Variants in MYLK observed in about 807,000 individuals in gnomAD.
The protein encoded by MYLK is myosin light chain kinase.
A neutral mutation model predicts 203.4 loss-of-function variants in MYLK; 106 were observed. That is an observed-to-expected ratio of 0.52 (90% CI 0.45 to 0.61). The LOEUF (loss-of-function observed/expected upper bound fraction) is 0.61, where lower values mean the gene tolerates loss of function less well. MYLK is among the 20% of genes least tolerant of loss of function. The pLI, the probability that MYLK is intolerant of heterozygous loss-of-function variation, is 0.00. For synonymous variants in MYLK, 867 were observed against 959.5 expected (o/e 0.90, Z 1.78); for missense variants, 2,072 against 2,442.3 (o/e 0.85, Z 3.20).
At chr3:123,660,808 C>T (rs1390122598) in intron 23 of MYLK, among the ~76,000 whole-genome samples, 1 of 152,160 alleles carries the variant, frequency 6.6e-6, no homozygotes, top group Non-Finnish European at 1.5e-5. Context: ...TGTTTTACCT[C>T]ATGTACATTT....
At chr3:123,870,445 T>C (rs574264244) in intron 2 of MYLK, among the ~76,000 whole-genome samples, 2 of 152,326 alleles carry the variant, frequency 1.3e-5, no homozygotes, top group South Asian at 4.1e-4. Context: ...ACCATATACC[T>C]GACAGGAGAT....
intron 12 of MYLK, among the ~76,000 whole-genome samples, chr3:123,725,513 C>T (rs542903122): frequency 2.0e-5 from 3 of 152,142 alleles, no homozygotes; most frequent in South Asian, 2.1e-4. Context: ...ATCCCTCATG[C>T]GACTTTGAGA....
chr3:123,826,701 A>G (rs2066133696), intron 3 of MYLK, among the ~76,000 whole-genome samples: 1 of 152,162 alleles, frequency 6.6e-6, no homozygotes, highest in Non-Finnish European at 1.5e-5. Context: ...ATTTACATTT[A>G]TATCCTCCAA....
At position 123,700,446 on chromosome 3, in the gene MYLK, C is replaced by T. The variant is rs747305438; in HGVS notation, c.3022G>A (p.Val1008Met). The change falls in exon 18 of 34, where the codon GTG becomes ATG. Residue 1008 changes from valine to methionine, a missense_variant. Val to Met is a conservative substitution (Grantham distance 21). Around this residue, in one of 3 missense-constraint regions of MYLK, gnomAD observed 865 missense variants for 1,016.0 expected, o/e 0.85. Transcript: ENST00000360304. The stretch of plus-strand genomic sequence containing the variant: ...TTGCTCAGGGGCTTGGAACTCTCCA[C>T]TGCCTTGGCATTCAGGGTCTCGGCA... ...SSAETLNAKA[V>M]ESSKPLSNAQ... 5.6e-6 allele frequency: 9 copies of T among 1,609,598 alleles called. No individual in the cohort carries two copies. Among genetic ancestry groups the T allele is most frequent in the Non-Finnish European group, 6.8e-6 (8 of 1,177,326 alleles).
intron 3 of MYLK, among the ~76,000 whole-genome samples, chr3:123,830,178 C>T (rs1266956752): frequency 5.3e-5 from 8 of 152,174 alleles, no homozygotes; most frequent in African/African-American, 1.9e-4. Flanking sequence ...TGATCTTCTA[C>T]CTACGGTGCT....
At chr3:123,826,494 C>A (rs1279068709) in intron 3 of MYLK, among the ~76,000 whole-genome samples, 2 of 152,190 alleles carry the variant, frequency 1.3e-5, no homozygotes, top group East Asian at 1.9e-4. Flanking sequence ...TGTAGGTAGT[C>A]CCCAGCAAAC....
rs1273803739 is a variant in MYLK, at chr3:123,677,918, T to TATATATACAC, written c.3652+4305_3652+4306insGTGTATATAT. On this transcript the variant is annotated intron_variant, in intron 20 of 33. Coordinates refer to ENST00000360304, the MANE Select transcript of MYLK (RefSeq NM_053025.4). Reference sequence around the variant, plus strand: ...ATATATATATATATATATATATATATACACACACACACACACAGAGTACAT... The same window carrying TATATATACAC: ...ATATATATATATATATATATATATATATATATACACACACACACACACACACAGAGTACAT... Among the ~76,000 whole-genome samples the TATATATACAC allele has an allele frequency of 7.1e-4, 56 of 78,838 alleles. 1 individual carries two copies. The highest frequency in any genetic ancestry group is 6.8e-3 in the East Asian group (4 of 588). The allele number at this position is 78,838 out of a possible 152,430, so 51.7% of individuals were successfully genotyped here.
chr3:123,688,543 T>C (rs1189314857), intron 19 of MYLK, among the ~76,000 whole-genome samples: 1 of 152,208 alleles, frequency 6.6e-6, no homozygotes, highest in African/African-American at 2.4e-5. Context: ...GGTCATCACA[T>C]GGACATGAGT....
chr3:123,747,619 C>T (rs2063061263), intron 5 of MYLK, among the ~76,000 whole-genome samples: 4 of 152,210 alleles, frequency 2.6e-5, no homozygotes. Flanking sequence ...CAACTGGCGG[C>T]TGGAAATGCA....
chr3:123,616,090 A>G (rs1293961681), intron 33 of MYLK, among the ~76,000 whole-genome samples: 2 of 152,236 alleles, frequency 1.3e-5, no homozygotes, highest in African/African-American at 4.8e-5. Context: ...ATTAAAAATA[A>G]TTGAATTGTG....
intron 4 of MYLK, among the ~76,000 whole-genome samples, chr3:123,775,589 G>A (rs2064042476): frequency 6.6e-6 from 1 of 152,124 alleles, no homozygotes; most frequent in African/African-American, 2.4e-5. Context: ...CTCCTAGTCT[G>A]GAGCCCAGTG....
intron 6 of MYLK, 35 bp downstream of exon 6, chr3:123,739,918 C>T (rs1560157735): frequency 6.2e-7 from 1 of 1,612,460 alleles, no homozygotes; most frequent in South Asian, 1.1e-5. Flanking sequence ...GAAAGCAATC[C>T]AACCCTTACT....
chr3:123,815,110 A>C (rs2065704574), intron 3 of MYLK, among the ~76,000 whole-genome samples: 1 of 152,156 alleles, frequency 6.6e-6, no homozygotes, highest in Non-Finnish European at 1.5e-5. Flanking sequence ...TTCCATAATA[A>C]TCCTTTAGAT....
rs993887440 is a variant in MYLK at position 123,658,234 on chromosome 3, A to C, written c.3986-806T>G. On this transcript the variant is annotated intron_variant, in intron 23 of 33. Transcript: ENST00000360304. Reference sequence around the variant, plus strand: ...AATAATTTCAAAAGCAAACCACAATAGCAAATCACAGCCATCCCTGACTAA... The same window carrying C: ...AATAATTTCAAAAGCAAACCACAATCGCAAATCACAGCCATCCCTGACTAA... 2.6e-5 allele frequency among the ~76,000 whole-genome samples: 4 copies of C among 152,376 alleles called. 1 individual carries two copies. The South Asian group carries it at 8.3e-4, about 32-fold the overall frequency.
intron 31 of MYLK, chr3:123,622,569 T>C (rs116082240): frequency 6.6e-6 from 1 of 152,310 alleles, no homozygotes; most frequent in Non-Finnish European, 1.5e-5. Context: ...ATGACTAAAA[T>C]GAAGCTATCA....
At chr3:123,866,705 T>C (rs1470833195) in intron 2 of MYLK, among the ~76,000 whole-genome samples, 1 of 152,058 alleles carries the variant, frequency 6.6e-6, no homozygotes, top group Non-Finnish European at 1.5e-5. Flanking sequence ...CCCTCCCCAG[T>C]ACCCACCCAT....
intron 3 of MYLK, chr3:123,799,860 C>T (rs1487646360): frequency 6.6e-6 from 1 of 152,412 alleles, no homozygotes; most frequent in African/African-American, 2.4e-5. Context: ...CTCGGCAGCT[C>T]TCACATGAGT....
intron 2 of MYLK, among the ~76,000 whole-genome samples, chr3:123,865,880 T>C (rs1202734750): frequency 6.6e-6 from 1 of 152,200 alleles, no homozygotes; most frequent in Non-Finnish European, 1.5e-5. Context: ...AGTCTTCACC[T>C]GGCTCTCATG....
chr3:123,727,376 A>G (rs2062327557), intron 11 of MYLK, among the ~76,000 whole-genome samples: 1 of 152,202 alleles, frequency 6.6e-6, no homozygotes, highest in Admixed American at 6.5e-5. Context: ...GTTATCAAAA[A>G]AGGATATAGG....
Sources: allele counts gnomAD v4.1 joint callset (sites outside exome capture counted in the v4.1 genomes callset), GRCh38; gene constraint gnomAD v4.1.1; regional missense constraint gnomAD v4.1.1; transcripts MANE v1.5; gene names NCBI Gene and HGNC (gene_info 2026-07-23, HGNC 2026-07-21).